KTN1: variants seen among roughly 807,000 people sequenced by gnomAD.
The protein encoded by KTN1 is kinectin.
A neutral mutation model predicts 222.5 loss-of-function variants in KTN1; 130 were observed. The ratio of observed to expected loss-of-function variants is 0.58; its 90% CI spans 0.51 to 0.68. The LOEUF (loss-of-function observed/expected upper bound fraction) is 0.68, where lower values mean the gene tolerates loss of function less well. Ranked by LOEUF, KTN1 falls within the 30% of genes least tolerant of loss-of-function variation. KTN1 has a pLI of 0.00. For missense variants in KTN1, 1,508 were observed against 1,500.4 expected (o/e 1.01, Z -0.08); for synonymous variants, 512 against 496.3 (o/e 1.03, Z -0.42).
At chr14:55,616,941 C>T (rs2140710247) in intron 3 of KTN1, among the ~76,000 whole-genome samples, 1 of 152,146 alleles carries the variant, frequency 6.6e-6, no homozygotes, top group East Asian at 1.9e-4. Flanking sequence ...GCATACAGAC[C>T]ATAGAAGAAA....
intron 14 of KTN1, 77 bp downstream of exon 14, chr14:55,640,080 A>G: frequency 1.2e-6 from 1 of 866,084 alleles, no homozygotes; most frequent in Non-Finnish European, 1.9e-6. Flanking sequence ...ATAATCAGTA[A>G]GTGTATATGA....
intron 2 of KTN1, among the ~76,000 whole-genome samples, chr14:55,615,900 CTCTT>C (rs912048941): frequency 6.8e-6 from 1 of 147,730 alleles, no homozygotes; most frequent in Non-Finnish European, 1.5e-5. Context: ...CTTTCTCTCT[CTCTT>C]TTCTTTCTTC....
At chr14:55,597,186 G>A (rs1364950553) in intron 1 of KTN1, among the ~76,000 whole-genome samples, 1 of 152,168 alleles carries the variant, frequency 6.6e-6, no homozygotes, top group Admixed American at 6.5e-5. Context: ...AGATAGATGG[G>A]AGAACATGTA....
intron 1 of KTN1, among the ~76,000 whole-genome samples, chr14:55,603,504 A>G (rs996215920): frequency 3.9e-5 from 6 of 152,172 alleles, no homozygotes; most frequent in African/African-American, 1.4e-4. Flanking sequence ...GACTTTATTC[A>G]TCTGGCGTCC....
At chr14:55,598,726 T>C (rs1218121764) in intron 1 of KTN1, among the ~76,000 whole-genome samples, 1 of 152,236 alleles carries the variant, frequency 6.6e-6, no homozygotes, top group Non-Finnish European at 1.5e-5. Context: ...TTGGCTTCTA[T>C]TGCTAAGTAC....
intron 18 of KTN1, among the ~76,000 whole-genome samples, chr14:55,646,236 G>A (rs2042260494): frequency 6.6e-6 from 1 of 152,036 alleles, no homozygotes; most frequent in African/African-American, 2.4e-5. Flanking sequence ...TTTACAATCA[G>A]TTTTAAAACA....
chr14:55,634,054 A>G (rs1316613908), intron 8 of KTN1, among the ~76,000 whole-genome samples: 1 of 152,060 alleles, frequency 6.6e-6, no homozygotes, highest in Admixed American at 6.6e-5. Flanking sequence ...GAATCGCTTG[A>G]ACCTGGGAGG....
At chr14:55,656,571 TCTC>T (rs2043500134) in intron 29 of KTN1, among the ~76,000 whole-genome samples, 1 of 152,120 alleles carries the variant, frequency 6.6e-6, no homozygotes. Flanking sequence ...TTCAAGCCAT[TCTC>T]CTTGCCTTAG....
intron 29 of KTN1, among the ~76,000 whole-genome samples, chr14:55,658,044 G>T (rs2043691470): frequency 6.6e-6 from 1 of 152,102 alleles, no homozygotes; most frequent in African/African-American, 2.4e-5. Context: ...AAAAAGAGAA[G>T]GCTAGCCACA....
intron 3 of KTN1, among the ~76,000 whole-genome samples, 186 bp downstream of exon 3, chr14:55,616,840 G>A (rs2038470068): frequency 6.6e-6 from 1 of 152,086 alleles, no homozygotes; most frequent in Admixed American, 6.6e-5. Flanking sequence ...AGATGGGCAG[G>A]GTGTACATTT....
intron 18 of KTN1, chr14:55,644,228 C>A: frequency 1.3e-5 from 6 of 457,980 alleles, no homozygotes; most frequent in Non-Finnish European, 2.0e-5. Flanking sequence ...TAATTTCTGT[C>A]ATTTCCACTT....
intron 7 of KTN1, among the ~76,000 whole-genome samples, chr14:55,630,366 A>G (rs2040374198): frequency 1.3e-5 from 2 of 152,236 alleles, no homozygotes; most frequent in Non-Finnish European, 2.9e-5. Flanking sequence ...TTGATAGGGA[A>G]GACTTTTTAG....
At chr14:55,600,876 A>ATT (rs545187187) in intron 1 of KTN1, among the ~76,000 whole-genome samples, 9 of 149,142 alleles carry the variant, frequency 6.0e-5, no homozygotes, top group East Asian at 3.9e-4. Flanking sequence ...TATAAATTAG[A>ATT]TTTTTTTTTT....
chr14:55,625,944 T>C (rs556772942), intron 5 of KTN1, among the ~76,000 whole-genome samples: 1 of 152,292 alleles, frequency 6.6e-6, no homozygotes, highest in South Asian at 2.1e-4. Flanking sequence ...TTACTGGATT[T>C]TTTTCAGTGT....
At chr14:55,594,593 T>G (rs968061743) in intron 1 of KTN1, among the ~76,000 whole-genome samples, 1 of 151,400 alleles carries the variant, frequency 6.6e-6, no homozygotes, top group South Asian at 2.1e-4. Context: ...AAATCAAATA[T>G]CCAATGTTTT....
At chr14:55,580,628 C>T (rs906476866) in intron 1 of KTN1, among the ~76,000 whole-genome samples, 1 of 151,810 alleles carries the variant, frequency 6.6e-6, no homozygotes, top group Non-Finnish European at 1.5e-5. Context: ...TCTGTCGCGG[C>T]ACCCGGGGCG....
rs115807031 is a variant in KTN1, at chr14:55,673,311, C to G, written c.3771+56C>G. 3.4e-3 allele frequency: 3,838 copies of G among 1,138,426 alleles called. 81 individuals are homozygous for G. In the African/African-American group the frequency reaches 0.051, roughly 15 times the overall value. The allele number at this position is 1,138,426 out of a possible 1,614,324, so 70.5% of individuals were successfully genotyped here. On this transcript the variant is annotated intron_variant, in intron 40 of 43. Transcript: ENST00000395314. ...GTAGGCACTGAAAACACTTTATTGACATGTGGAGAAACCATCCAGGCTTTT... is the reference window on the plus strand; with the variant it reads ...GTAGGCACTGAAAACACTTTATTGAGATGTGGAGAAACCATCCAGGCTTTT...
chr14:55,658,785 G>A (rs1368826905), intron 30 of KTN1, among the ~76,000 whole-genome samples, 171 bp downstream of exon 30: 1 of 152,138 alleles, frequency 6.6e-6, no homozygotes, highest in Non-Finnish European at 1.5e-5. Flanking sequence ...CATATCCAAA[G>A]TAAAACAAAT....
At position 55,661,613 on chromosome 14, in the gene KTN1, G is replaced by A; in HGVS notation, c.3090+1G>A. On this transcript the variant is annotated splice_donor_variant, in intron 32 of 43. Transcript: ENST00000395314. LOFTEE classifies it high-confidence loss of function. ...TGAACACCAGAGGAAGAAAAACAAT[G>A]TAAGTAGATCTTTATCAGAATGAAG... 1 of 1,490,962 alleles carries A rather than the reference G, an allele frequency of 6.7e-7. No individual in the cohort carries two copies. Among genetic ancestry groups the A allele is most frequent in the Non-Finnish European group, 9.4e-7 (1 of 1,069,346 alleles). 92.4% of individuals were successfully genotyped at this position (1,490,962 alleles called of 1,614,324 possible).
Sources: gnomAD v4.1 joint callset for allele counts (sites outside exome capture counted in the v4.1 genomes callset) on GRCh38, gnomAD v4.1.1 for gene constraint, MANE v1.5 for transcripts, NCBI Gene and HGNC (gene_info 2026-07-23, HGNC 2026-07-21) for gene names.